IL27RA: variants seen among roughly 807,000 people sequenced by gnomAD.
IL27RA encodes the protein interleukin 27 receptor subunit alpha, also known as interleukin-27 receptor subunit alpha.
Under a neutral mutation model 80.8 loss-of-function variants are expected in IL27RA, and 61 were observed. The observed-to-expected ratio is 0.76, with a 90% CI of 0.61 to 0.93. The LOEUF is 0.93. Ranked by LOEUF, IL27RA falls within the 40% of genes least tolerant of loss-of-function variation. The pLI, the probability that IL27RA is intolerant of heterozygous loss-of-function variation, is 0.00. For synonymous variants in IL27RA, 316 were observed against 332.5 expected, an observed-to-expected ratio of 0.95 and a Z score of 0.54; for missense variants, 735 against 808.1, an observed-to-expected ratio of 0.91 and a Z score of 1.10.
intron 2 of IL27RA, among the ~76,000 whole-genome samples, chr19:14,035,276 C>T (rs770590007): frequency 6.6e-6 from 1 of 152,118 alleles, no homozygotes. Context: ...GGACTACAGG[C>T]GTGAGTCACT....
chr19:14,039,967 TCTC>T (rs765418656), intron 4 of IL27RA, 57 bp downstream of exon 4: 31 of 1,550,300 alleles, frequency 2.0e-5, no homozygotes, highest in Non-Finnish European at 2.7e-5. Flanking sequence ...TGAGGCAACA[TCTC>T]CTAATCTGAG....
chr19:14,032,339 G>A lies in IL27RA; in HGVS notation c.101-47G>A, dbSNP rs2306191. On this transcript the variant is annotated intron_variant, in intron 1 of 13. Coordinates refer to ENST00000263379, the MANE Select transcript of IL27RA (RefSeq NM_004843.4). ...AAGTTCTGGGGTGTGCAGGCGGAAG[G>A]GGGGGATTCGACCCCCTTTCCTGAG... is the stretch of plus-strand genomic sequence containing the variant. 8.6e-6 allele frequency: 12 copies of A among 1,403,060 alleles called. No individual in the cohort carries two copies. The South Asian group carries it at 1.1e-4, about 12-fold the overall frequency. The allele number at this position is 1,403,060 out of a possible 1,614,324, so 86.9% of individuals were successfully genotyped here.
intron 6 of IL27RA, among the ~76,000 whole-genome samples, chr19:14,045,949 C>T (rs937546326): frequency 5.3e-5 from 8 of 152,040 alleles, no homozygotes; most frequent in Non-Finnish European, 7.4e-5. Context: ...CGCTTGAACC[C>T]GGGAGGTGAA....
rs572250251 is a variant in IL27RA, at chr19:14,046,762, C to T, written c.1141+144C>T. 11 of 741,160 alleles carry T rather than the reference C, an allele frequency of 1.5e-5. No homozygotes were observed. In the South Asian group the frequency reaches 2.1e-4, roughly 14 times the overall value. The allele number at this position is 741,160 out of a possible 1,614,324, so 45.9% of individuals were successfully genotyped here. ...CTGTAATCTCAGCACTTTGGGAGGC[C>T]GAAAGGGGCGGATCACCTGAGGTCA... is the stretch of plus-strand genomic sequence containing the variant. On this transcript the variant is annotated intron_variant, in intron 8 of 13. Transcript: ENST00000263379.
In IL27RA at chr19:14,046,356, C is replaced by T. The variant is rs978077341; in HGVS notation, c.952+19C>T. The T allele has an allele frequency of 6.2e-7, 1 of 1,613,432 alleles. No homozygotes were observed. The highest frequency in any genetic ancestry group is 1.7e-5 in the Admixed American group (1 of 59,968). ...TGCTTGGGTAAGAGACTGTGACCTT[C>T]CTCAGCTCGGTGCCCTGGAGGGGTG... On this transcript the variant is annotated intron_variant, in intron 7 of 13. Transcript: ENST00000263379.
At chr19:14,040,924 TGGCG>T (rs1975981310) in intron 4 of IL27RA, among the ~76,000 whole-genome samples, 1 of 148,300 alleles carries the variant, frequency 6.7e-6, no homozygotes, top group African/African-American at 2.5e-5. Flanking sequence ...TTTTTTGAGA[TGGCG>T]TTTTGCTCTT....
chr19:14,048,077 C>T (rs774056729), intron 8 of IL27RA, among the ~76,000 whole-genome samples: 160 of 151,844 alleles, frequency 1.1e-3, no homozygotes, highest in Non-Finnish European at 1.5e-3. Flanking sequence ...CCCACCTCAG[C>T]GCCCTGAGGA....
At chr19:14,051,045 T>G (rs537379841) in intron 11 of IL27RA, among the ~76,000 whole-genome samples, 162 bp downstream of exon 11, 35 of 151,970 alleles carry the variant, frequency 2.3e-4, no homozygotes, top group Non-Finnish European at 4.0e-4. Flanking sequence ...GCCCAGGAGC[T>G]CGAGACCAGC....
chr19:14,050,929 A>G, intron 11 of IL27RA, 46 bp downstream of exon 11: 1 of 1,570,106 alleles, frequency 6.4e-7, no homozygotes, highest in Non-Finnish European at 8.7e-7. Context: ...GATGTACTCC[A>G]CAGTGGGGAG....
In IL27RA at chr19:14,052,494, G is replaced by A. The variant is rs902358571; in HGVS notation, c.*204G>A. On this transcript the variant is annotated 3_prime_UTR_variant, in exon 14 of 14. Coordinates refer to ENST00000263379, the MANE Select transcript of IL27RA (RefSeq NM_004843.4). ...GGCTTGGCCCCCATGGGGAAGACAC[G>A]GATGGAAGGTGGAGCAAAGGAAAAT... 6.5e-5 allele frequency: 29 copies of A among 447,710 alleles called. No homozygotes were observed. The highest frequency in any genetic ancestry group is 1.5e-4 in the Admixed American group (4 of 25,808). 27.7% of individuals were successfully genotyped at this position (447,710 alleles called of 1,614,324 possible).
At position 14,046,721 on chromosome 19, in the gene IL27RA, G is replaced by A. The variant is rs754601196; in HGVS notation, c.1141+103G>A. 34 of 1,147,126 alleles carry A rather than the reference G, an allele frequency of 3.0e-5. No individual in the cohort carries two copies. The African/African-American group carries it at 5.1e-4, about 17-fold the overall frequency. The allele number at this position is 1,147,126 out of a possible 1,614,324, so 71.1% of individuals were successfully genotyped here. On this transcript the variant is annotated intron_variant, in intron 8 of 13. Transcript: ENST00000263379. ...ATGATTAAAGTAGCGTGATGGCCGG[G>A]CTTGGTGGCTCATGCCTGTAATCTC...
rs564182202 is a variant in IL27RA, at chr19:14,042,923, C to G, written c.768+134C>G. 1.5e-5 allele frequency: 12 copies of G among 780,022 alleles called. No individual in the cohort carries two copies. The South Asian group carries it at 1.8e-4, about 12-fold the overall frequency. 48.3% of individuals were successfully genotyped at this position (780,022 alleles called of 1,614,324 possible). On this transcript the variant is annotated intron_variant, in intron 6 of 13. Transcript: ENST00000263379. ...GTGGGAGGCCGAGGAGGGTGGATCA[C>G]TTGAGGTCAGCAGTTGGAGACCAGC...
chr19:14,040,373 A>T (rs796161223), intron 4 of IL27RA, among the ~76,000 whole-genome samples: 58 of 149,546 alleles, frequency 3.9e-4, no homozygotes, highest in African/African-American at 5.4e-4. Flanking sequence ...AAAAAAAAAA[A>T]TTTTTTTTCT....
At chr19:14,034,779 C>T (rs570028256) in intron 2 of IL27RA, among the ~76,000 whole-genome samples, 36 of 151,588 alleles carry the variant, frequency 2.4e-4, no homozygotes, top group African/African-American at 8.5e-4. Context: ...GGTGAAACCC[C>T]GTCTCTACTA....
intron 8 of IL27RA, among the ~76,000 whole-genome samples, chr19:14,047,276 C>G (rs1441284144): frequency 1.3e-5 from 2 of 150,720 alleles, no homozygotes; most frequent in African/African-American, 4.9e-5. Context: ...TCTCCAACTC[C>G]TGACCTCAAG....
At chr19:14,039,003 G>A (rs115587127) in intron 2 of IL27RA, among the ~76,000 whole-genome samples, 6,618 of 151,940 alleles carry the variant, frequency 0.044, 492 homozygotes, top group African/African-American at 0.15. Context: ...GAGCAGTTAT[G>A]ACCAGGTATG....
rs766829782 is a variant in IL27RA at position 14,051,592 on chromosome 19, T to TC, written c.1529-12dup. The TC allele has an allele frequency of 3.4e-6, 5 of 1,452,982 alleles. No individual in the cohort carries two copies. Among genetic ancestry groups the TC allele is most frequent in the Non-Finnish European group, 4.7e-6 (5 of 1,053,068 alleles). 90.0% of individuals were successfully genotyped at this position (1,452,982 alleles called of 1,614,324 possible). On this transcript the variant is annotated splice_polypyrimidine_tract_variant and intron_variant, in intron 11 of 13. Coordinates refer to ENST00000263379, the MANE Select transcript of IL27RA (RefSeq NM_004843.4). ...AAATAAAAAATTAAGAATGATCTCT[T>TC]CCCTACCCTACCAGATAACACCCTG...
rs769387948 is a variant in IL27RA, at chr19:14,042,404, C to T, written c.535-49C>T. ...AAAAAAAAAAAGATAAGTTCAAATA[C>T]CCTTGACTCAGGCCCTGGGCCCATC... is the stretch of plus-strand genomic sequence containing the variant. On this transcript the variant is annotated intron_variant, in intron 4 of 13. Coordinates refer to ENST00000263379, the MANE Select transcript of IL27RA (RefSeq NM_004843.4). The T allele has an allele frequency of 5.1e-6, 8 of 1,566,868 alleles. No individual in the cohort carries two copies. In the Admixed American group the frequency reaches 1.3e-4, roughly 26 times the overall value.
chr19:14,047,759 T>G (rs548414711), intron 8 of IL27RA, among the ~76,000 whole-genome samples: 1 of 149,604 alleles, frequency 6.7e-6, no homozygotes, highest in Admixed American at 6.7e-5. Context: ...GTTCACGCCA[T>G]TCTCCTGCCT....
Sources: gnomAD v4.1 joint callset for allele counts (sites outside exome capture counted in the v4.1 genomes callset) on GRCh38, gnomAD v4.1.1 for gene constraint, MANE v1.5 for transcripts, NCBI Gene and HGNC (gene_info 2026-07-23, HGNC 2026-07-21) for gene names.